Variants in TNFSF14 observed in about 807,000 individuals in gnomAD.
The protein encoded by TNFSF14 is tumor necrosis factor ligand superfamily member 14.
TNFSF14 carries 15 observed loss-of-function variants against 22.7 expected under a neutral mutation model. The ratio of observed to expected loss-of-function variants is 0.66; its 90% CI spans 0.44 to 1.02. The LOEUF (loss-of-function observed/expected upper bound fraction) is 1.02, where lower values mean the gene tolerates loss of function less well. Ranked by LOEUF, TNFSF14 falls within the 50% of genes least tolerant of loss-of-function variation. The pLI, the probability that TNFSF14 is intolerant of heterozygous loss-of-function variation, is 0.00. For synonymous variants in TNFSF14, 133 were observed against 139.6 expected (o/e 0.95, Z 0.33); for missense variants, 287 against 326.2 (o/e 0.88, Z 0.93).
chr19:6,669,301 T>C (rs1478190896), intron 1 of TNFSF14, among the ~76,000 whole-genome samples: 1 of 151,854 alleles, frequency 6.6e-6, no homozygotes, highest in Non-Finnish European at 1.5e-5. Context: ...CTGACAAACA[T>C]AGAGAAGCCC....
chr19:6,665,083 C>T lies in TNFSF14; in HGVS notation c.566G>A (p.Arg189Gln), dbSNP rs774854455. 3.1e-6 allele frequency: 5 copies of T among 1,614,058 alleles called. No homozygotes were observed. Among genetic ancestry groups the T allele is most frequent in the Admixed American group, 3.3e-5 (2 of 60,024 alleles). ...LLVSQQSPCG[R>Q]ATSSSRVWWD... is the part of the protein sequence containing the mutation. ...CCAGACCCGGGAGCTGCTGGTGGCC[C>T]GTCCGCAGGGTGACTGCTGGCTGAC... Residue 189 changes from arginine (R) to glutamine (Q), a missense_variant, in exon 4 of 4, where the codon CGG becomes CAG. Transcript: ENST00000675206.
In TNFSF14 at chr19:6,670,005, G is replaced by C; in HGVS notation, c.65C>G (p.Thr22Arg). 1 of 1,614,140 alleles carries C rather than the reference G, an allele frequency of 6.2e-7. No homozygotes were observed. The highest frequency in any genetic ancestry group is 8.5e-7 in the Non-Finnish European group (1 of 1,180,032). The stretch of plus-strand genomic sequence containing the variant: ...TCTCCGGTGGCTTCGTCCCAGCCTC[G>C]TGAATGGGATGTCGGTCTGTCCATC... ...VVDGQTDIPF[T>R]RLGRSHRRQS... The change falls in exon 1 of 4, where the codon ACG (threonine) becomes AGG (arginine). Residue 22 changes from threonine (T) to arginine (R), a missense_variant. Physicochemically the swap from Thr to Arg is moderately conservative, Grantham distance 71. Transcript: ENST00000675206.
chr19:6,665,323 C>T lies in TNFSF14; in HGVS notation c.326G>A (p.Gly109Glu). 1 of 1,596,588 alleles carries T rather than the reference C, an allele frequency of 6.3e-7. No homozygotes were observed. The highest frequency in any genetic ancestry group is 8.5e-7 in the Non-Finnish European group (1 of 1,171,700). ...TGANSSLTGS[G>E]GPLLWETQLG... ...CTGAGTCTCCCATAACAGCGGCCCCCCGCTGCCGGTCAAGCTGGAGTTGGC... is the reference window on the plus strand; with the variant it reads ...CTGAGTCTCCCATAACAGCGGCCCCTCGCTGCCGGTCAAGCTGGAGTTGGC... Residue 109 changes from glycine to glutamate, a missense_variant, in exon 4 of 4, where the codon GGG becomes GAG. Physicochemically the swap from Gly to Glu is moderately conservative, Grantham distance 98. Coordinates refer to ENST00000675206, the MANE Select transcript of TNFSF14 (RefSeq NM_001376887.1).
chr19:6,668,379 G>C (rs1239489885), intron 1 of TNFSF14, among the ~76,000 whole-genome samples: 1 of 151,316 alleles, frequency 6.6e-6, no homozygotes, highest in Non-Finnish European at 1.5e-5. Context: ...AAATAAATAT[G>C]TAATTAATTA....
At chr19:6,666,396 CA>C (rs5826941) in intron 3 of TNFSF14, among the ~76,000 whole-genome samples, 6,684 of 128,046 alleles carry the variant, frequency 0.052, 181 homozygotes, top group African/African-American at 0.093. Context: ...GACCCTGTCT[CA>C]AAAAAAAAAA....
At chr19:6,666,703 C>T (rs1917437180) in intron 3 of TNFSF14, among the ~76,000 whole-genome samples, 1 of 152,082 alleles carries the variant, frequency 6.6e-6, no homozygotes, top group South Asian at 2.1e-4. Flanking sequence ...TGAGACCAGC[C>T]TGGCCAACAT....
Position 6,664,792 on chromosome 19 carries a change from G to C in TNFSF14, c.*134C>G. On this transcript the variant is annotated 3_prime_UTR_variant, in exon 4 of 4. Coordinates refer to ENST00000675206, the MANE Select transcript of TNFSF14 (RefSeq NM_001376887.1). This position sits in a 1 kb window ranked among gnomAD's most constrained non-coding sequence, Gnocchi z 4.7. ...TGACCTCAGGTGATCCGCCTGCCTT[G>C]GCCTCCCAAAGTGCTGGGATTACAG... The C allele has an allele frequency of 8.7e-7, 1 of 1,154,160 alleles. No individual in the cohort carries two copies. Among genetic ancestry groups the C allele is most frequent in the Non-Finnish European group, 1.2e-6 (1 of 824,158 alleles). The allele number at this position is 1,154,160 out of a possible 1,614,324, so 71.5% of individuals were successfully genotyped here. A position where few individuals can be genotyped will look rare whatever the true frequency, so the allele number is the denominator to read the frequency against.
In TNFSF14 at chr19:6,668,964, A is replaced by G. The variant is rs1415908894; in HGVS notation, c.219+887T>C. 3.3e-5 allele frequency among the ~76,000 whole-genome samples: 5 copies of G among 152,344 alleles called. No individual in the cohort carries two copies. In the East Asian group the frequency reaches 9.6e-4, roughly 29 times the overall value. On this transcript the variant is annotated intron_variant, in intron 1 of 3. Coordinates refer to ENST00000675206, the MANE Select transcript of TNFSF14 (RefSeq NM_001376887.1). Reference sequence around the variant, plus strand: ...GGTGTGTGGACATGTGGGTACACGCACATACGTCCACATGGGTATATGGAC... The same window carrying G: ...GGTGTGTGGACATGTGGGTACACGCGCATACGTCCACATGGGTATATGGAC...
At chr19:6,670,308 C>A, upstream of TNFSF14, 1 of 1,355,086 alleles carries the variant, frequency 7.4e-7, no homozygotes, top group Non-Finnish European at 9.5e-7. Flanking sequence ...TTTCCAGAGG[C>A]TTCTGAAAAT....
At chr19:6,668,151 C>T (rs1420112938) in intron 1 of TNFSF14, among the ~76,000 whole-genome samples, 1 of 151,764 alleles carries the variant, frequency 6.6e-6, no homozygotes, top group Non-Finnish European at 1.5e-5. Context: ...AGCTTGAGGC[C>T]AGGAGTTTAA....
chr19:6,665,248 A>C lies in TNFSF14; in HGVS notation c.401T>G (p.Val134Gly), dbSNP rs1344238539. The change falls in exon 4 of 4, where the codon GTG (valine) becomes GGG (glycine). Residue 134 changes from valine (V) to glycine (G), a missense_variant. Physicochemically the swap from Val to Gly is moderately radical, Grantham distance 109 (BLOSUM62 -3). Transcript: ENST00000675206. ...GTAGTAGTAGCCAGCTTTGGTGACC[A>C]CAAGGGCCCCATCGTGGTAGCTGAG... ...RGLSYHDGAL[V>G]VTKAGYYYIY... 6 of 1,614,064 alleles carry C rather than the reference A, an allele frequency of 3.7e-6. No individual in the cohort carries two copies. The East Asian group carries it at 1.3e-4, about 36-fold the overall frequency.
In TNFSF14 at chr19:6,664,625, G is replaced by A. The variant is rs562828192; in HGVS notation, c.*301C>T. The A allele has an allele frequency of 4.9e-5, 10 of 205,592 alleles. No individual in the cohort carries two copies. The highest frequency in any genetic ancestry group is 4.6e-4 in the Admixed American group (8 of 17,274). The allele number at this position is 205,592 out of a possible 1,614,324, so 12.7% of individuals were successfully genotyped here. A position where few individuals can be genotyped will look rare whatever the true frequency, so the allele number is the denominator to read the frequency against. On this transcript the variant is annotated 3_prime_UTR_variant, in exon 4 of 4. Transcript: ENST00000675206. The surrounding 1 kb of genome is among the most constrained non-coding windows in gnomAD (Gnocchi z 4.7). Reference sequence around the variant, plus strand: ...GTGATCTCGGCTCACTGCAACCTCCGCCTCCCGGGTTTAAGCAAAATTATC... The same window carrying A: ...GTGATCTCGGCTCACTGCAACCTCCACCTCCCGGGTTTAAGCAAAATTATC...
At chr19:6,670,249 G>A (rs552612848), upstream of TNFSF14, 5 of 1,430,842 alleles carry the variant, frequency 3.5e-6, no homozygotes, top group South Asian at 2.9e-5. Flanking sequence ...GGTACCCGCC[G>A]CCCCCGGTCT....
At chr19:6,667,520 G>A in intron 1 of TNFSF14, 71 bp from the exon 2 acceptor site, 1 of 1,521,764 alleles carries the variant, frequency 6.6e-7, no homozygotes, top group Non-Finnish European at 8.8e-7. Flanking sequence ...CTCACACATG[G>A]CTATGAGACA....
intron 3 of TNFSF14, among the ~76,000 whole-genome samples, chr19:6,666,247 A>C (rs1917422752): frequency 1.3e-5 from 2 of 151,954 alleles, no homozygotes; most frequent in East Asian, 3.9e-4. Flanking sequence ...ACAAAAAACA[A>C]AAAAATTAGC....
chr19:6,666,043 C>G (rs1312866946), intron 3 of TNFSF14, among the ~76,000 whole-genome samples: 1 of 152,042 alleles, frequency 6.6e-6, no homozygotes, highest in African/African-American at 2.4e-5. Flanking sequence ...CTCTTTGCAT[C>G]CCTCTTTTGC....
chr19:6,665,423 G>C, intron 3 of TNFSF14, 73 bp from the exon 4 acceptor site: 1 of 1,427,184 alleles, frequency 7.0e-7, no homozygotes, highest in South Asian at 1.4e-5. Context: ...TTGTTTGTTT[G>C]TTTGACACAG....
At position 6,670,115 on chromosome 19, in the gene TNFSF14, C is replaced by A. The variant is rs202227962; in HGVS notation, c.-46G>T. On this transcript the variant is annotated 5_prime_UTR_variant, in exon 1 of 4. In the 5' UTR this introduces an upstream ATG that the reference lacks. Coordinates refer to ENST00000675206, the MANE Select transcript of TNFSF14 (RefSeq NM_001376887.1). ...GGCTGACACGCCTGGGTCCTTCAACCTCAGAGGAAACCGAAATTGCTCAAC... is the reference window on the plus strand; with the variant it reads ...GGCTGACACGCCTGGGTCCTTCAACATCAGAGGAAACCGAAATTGCTCAAC... 6.6e-4 allele frequency: 1,060 copies of A among 1,600,684 alleles called. No individual in the cohort carries two copies. The highest frequency in any genetic ancestry group is 1.5e-3 in the Admixed American group (89 of 59,664).
chr19:6,667,365 C>A, intron 2 of TNFSF14, 48 bp downstream of exon 2: 1 of 1,509,256 alleles, frequency 6.6e-7, no homozygotes, highest in South Asian at 1.3e-5. Flanking sequence ...GTGGGGGTGG[C>A]ATGGGAATCA....
Sources: allele counts gnomAD v4.1 joint callset (sites outside exome capture counted in the v4.1 genomes callset), GRCh38; gene constraint gnomAD v4.1.1; non-coding constraint Gnocchi (gnomAD v3.1); transcripts MANE v1.5; gene names NCBI Gene and HGNC (gene_info 2026-07-23, HGNC 2026-07-21).